PDS5A: variants seen among roughly 807,000 people sequenced by gnomAD.
The protein encoded by PDS5A is sister chromatid cohesion protein PDS5 homolog A.
A neutral mutation model predicts 167.1 loss-of-function variants in PDS5A; 42 were observed. The ratio of observed to expected loss-of-function variants is 0.25; its 90% CI spans 0.20 to 0.33. The LOEUF (loss-of-function observed/expected upper bound fraction) is 0.33. Ranked by LOEUF, PDS5A falls within the 10% of genes least tolerant of loss-of-function variation. The pLI is 1.00. For synonymous variants in PDS5A, 553 were observed against 554.6 expected, an observed-to-expected ratio of 1.00 and a Z score of 0.04; for missense variants, 1,033 against 1,605.9, an observed-to-expected ratio of 0.64 and a Z score of 6.10.
rs1439189086 is a variant in PDS5A at position 39,848,839 on chromosome 4, G to T, written c.3339+12C>A. 1 of 1,573,042 alleles carries T rather than the reference G, an allele frequency of 6.4e-7. No individual in the cohort carries two copies. The highest frequency in any genetic ancestry group is 8.6e-7 in the Non-Finnish European group (1 of 1,156,714). On this transcript the variant is annotated intron_variant, in intron 28 of 32. Coordinates refer to ENST00000303538, the MANE Select transcript of PDS5A (RefSeq NM_001100399.2). Reference sequence around the variant, plus strand: ...TTTAGTGTGGTAGGAAAAATGAGAGGAAGAAAATTACCTTTTCAGGTTGTG... The same window carrying T: ...TTTAGTGTGGTAGGAAAAATGAGAGTAAGAAAATTACCTTTTCAGGTTGTG...
chr4:39,874,641 TAA>T (rs2109577973), intron 19 of PDS5A, among the ~76,000 whole-genome samples: 1 of 152,326 alleles, frequency 6.6e-6, no homozygotes, highest in South Asian at 2.1e-4. Flanking sequence ...ATTTTTATTT[TAA>T]AGTTACCTCA....
intron 2 of PDS5A, among the ~76,000 whole-genome samples, chr4:39,964,898 G>A (rs1047191591): frequency 3.9e-5 from 6 of 151,956 alleles, no homozygotes; most frequent in Non-Finnish European, 1.5e-5. Flanking sequence ...AGCCGAGGTC[G>A]TGCCACTGCA....
chr4:39,977,640 G>T lies in PDS5A; in HGVS notation c.-224C>A. Reference sequence around the variant, plus strand: ...TGCCGAGGAGGAGCAGCCGCCGCGGGGGGAGACGCGGGGCGAGTGAGCGCT... The same window carrying T: ...TGCCGAGGAGGAGCAGCCGCCGCGGTGGGAGACGCGGGGCGAGTGAGCGCT... On this transcript the variant is annotated 5_prime_UTR_variant, in exon 1 of 33. Transcript: ENST00000303538. The surrounding 1 kb of genome is among the most constrained non-coding windows in gnomAD (Gnocchi z 4.2). The T allele has an allele frequency of 6.6e-6, 1 of 152,378 alleles. No homozygotes were observed. Among genetic ancestry groups the T allele is most frequent in the South Asian group, 1.8e-4 (1 of 5,660 alleles). The allele number at this position is 152,378 out of a possible 1,614,324, so 9.4% of individuals were successfully genotyped here.
At chr4:39,906,165 C>T (rs972154931) in intron 11 of PDS5A, among the ~76,000 whole-genome samples, 4 of 152,208 alleles carry the variant, frequency 2.6e-5, no homozygotes, top group African/African-American at 7.2e-5. Flanking sequence ...CCCAGAAGTT[C>T]GAGACCAGCT....
chr4:39,862,105 T>C (rs964940758), intron 26 of PDS5A, 114 bp downstream of exon 26: 1 of 440,170 alleles, frequency 2.3e-6, no homozygotes, highest in Non-Finnish European at 4.1e-6. Flanking sequence ...AATAAAACCA[T>C]AAGGAGATTC....
intron 17 of PDS5A, among the ~76,000 whole-genome samples, chr4:39,886,077 T>C (rs1721445197): frequency 1.3e-5 from 2 of 152,228 alleles, no homozygotes; most frequent in Admixed American, 6.5e-5. Context: ...GTAGAGACTA[T>C]CCCTTCCCTC....
chr4:39,931,000 G>C lies in PDS5A; in HGVS notation c.139-2836C>G, dbSNP rs534120921. Among the ~76,000 whole-genome samples, 4 of 152,232 alleles carry C rather than the reference G, an allele frequency of 2.6e-5. No homozygotes were observed. The East Asian group carries it at 7.7e-4, about 29-fold the overall frequency. On this transcript the variant is annotated intron_variant, in intron 2 of 32. Coordinates refer to ENST00000303538, the MANE Select transcript of PDS5A (RefSeq NM_001100399.2). ...ATAAATCCAAAGAAACTAGAATCAG[G>C]GTTTGTGAAACAAAAGATAGAGAAG...
chr4:39,954,479 C>A (rs188430106), intron 2 of PDS5A, among the ~76,000 whole-genome samples: 6 of 152,052 alleles, frequency 3.9e-5, no homozygotes, highest in Non-Finnish European at 8.8e-5. Flanking sequence ...CCACCACCCT[C>A]GGCTAATTTT....
At chr4:39,961,457 C>T (rs933884545) in intron 2 of PDS5A, among the ~76,000 whole-genome samples, 1 of 152,036 alleles carries the variant, frequency 6.6e-6, no homozygotes, top group African/African-American at 2.4e-5. Flanking sequence ...GACGGGGTTT[C>T]GCCATGTTGG....
At position 39,904,621 on chromosome 4, in the gene PDS5A, C is replaced by T. The variant is rs917401388; in HGVS notation, c.1234-430G>A. On this transcript the variant is annotated intron_variant, in intron 11 of 32. Coordinates refer to ENST00000303538, the MANE Select transcript of PDS5A (RefSeq NM_001100399.2). ...TGCTGGGATTACAGGCGTGAGCCAC[C>T]GCGCCCAGCCTACAAACAATTTTGA... Among the ~76,000 whole-genome samples, 37 of 152,326 alleles carry T rather than the reference C, an allele frequency of 2.4e-4. 1 individual carries two copies. The South Asian group carries it at 3.7e-3, about 15-fold the overall frequency.
intron 32 of PDS5A, among the ~76,000 whole-genome samples, chr4:39,832,219 TA>T (rs1202201049): frequency 1.3e-5 from 2 of 151,756 alleles, no homozygotes; most frequent in African/African-American, 2.4e-5. Context: ...GGATTTCAAT[TA>T]TTTTTTTTTT....
intron 2 of PDS5A, among the ~76,000 whole-genome samples, chr4:39,963,954 T>A (rs932061695): frequency 6.6e-6 from 1 of 152,170 alleles, no homozygotes; most frequent in African/African-American, 2.4e-5. Flanking sequence ...GTCACCAGGC[T>A]GGAGTGCAGT....
chr4:39,830,975 C>T (rs1238538758), intron 32 of PDS5A, among the ~76,000 whole-genome samples: 1 of 152,336 alleles, frequency 6.6e-6, no homozygotes, highest in Admixed American at 6.5e-5. Flanking sequence ...ATGGCTCACG[C>T]CTATAATCCC....
chr4:39,977,577 GCCGC>G lies in PDS5A; in HGVS notation c.-165_-162del, dbSNP rs1553912185. 6.8e-5 allele frequency: 11 copies of G among 161,872 alleles called. No homozygotes were observed. Among genetic ancestry groups the G allele is most frequent in the Middle Eastern group, 2.8e-3 (1 of 360 alleles). 10.0% of individuals were successfully genotyped at this position (161,872 alleles called of 1,614,324 possible). ...CGCGGGTCCCGCCGCCGCCGCCGCCGCCGCCCGCCCGCCCGGGAGCGGCGCTGGG... is the reference window on the plus strand; with the variant it reads ...CGCGGGTCCCGCCGCCGCCGCCGCCGCCGCCCGCCCGGGAGCGGCGCTGGG... On this transcript the variant is annotated 5_prime_UTR_variant, in exon 1 of 33. Coordinates refer to ENST00000303538, the MANE Select transcript of PDS5A (RefSeq NM_001100399.2). This position sits in a 1 kb window ranked among gnomAD's most constrained non-coding sequence, Gnocchi z 4.2.
chr4:39,919,699 A>T (rs1416942888), intron 7 of PDS5A, among the ~76,000 whole-genome samples: 1 of 152,194 alleles, frequency 6.6e-6, no homozygotes, highest in Non-Finnish European at 1.5e-5. Context: ...AATATGAGCA[A>T]ATGAACAATG....
At chr4:39,882,418 G>A (rs1721010314) in intron 17 of PDS5A, among the ~76,000 whole-genome samples, 1 of 152,024 alleles carries the variant, frequency 6.6e-6, no homozygotes, top group Non-Finnish European at 1.5e-5. Context: ...TATGTTTTCT[G>A]GAAATTCTAG....
intron 2 of PDS5A, among the ~76,000 whole-genome samples, chr4:39,969,261 T>C (rs1224378277): frequency 1.3e-5 from 2 of 152,204 alleles, no homozygotes; most frequent in Non-Finnish European, 2.9e-5. Flanking sequence ...AAATGGTCAG[T>C]TTCTTCACCT....
At chr4:39,974,560 T>C (rs1299121124) in intron 2 of PDS5A, among the ~76,000 whole-genome samples, 1 of 152,170 alleles carries the variant, frequency 6.6e-6, no homozygotes, top group Non-Finnish European at 1.5e-5. Context: ...TTTTACTTTT[T>C]TGAGATGAAG....
At position 39,844,799 on chromosome 4, in the gene PDS5A, T is replaced by C. The variant is rs772230422; in HGVS notation, c.3405A>G (p.Pro1135=). Residue 1135 remains proline, a splice_region_variant and synonymous_variant, in exon 30 of 33, where the codon CCA becomes CCG. Coordinates refer to ENST00000303538, the MANE Select transcript of PDS5A (RefSeq NM_001100399.2). ...CTGCACCTAGTACTCCAGCAGGCTT[T>C]GGCTAAAAACAAAAACAAAAAACCC... is the stretch of plus-strand genomic sequence containing the variant. ...ETRVLLLTGK[P]KPAGVLGAVN... 3.8e-6 allele frequency: 6 copies of C among 1,593,782 alleles called. No individual in the cohort carries two copies. The highest frequency in any genetic ancestry group is 1.7e-4 in the Middle Eastern group (1 of 5,928).
Sources: allele counts gnomAD v4.1 joint callset (sites outside exome capture counted in the v4.1 genomes callset), GRCh38; gene constraint gnomAD v4.1.1; non-coding constraint Gnocchi (gnomAD v3.1); transcripts MANE v1.5; gene names NCBI Gene and HGNC (gene_info 2026-07-23, HGNC 2026-07-21).